The following ZNF599 variants were observed in gnomAD, a reference collection of about 807,000 sequenced individuals.
The protein encoded by ZNF599 is zinc finger protein 599.
Under a neutral mutation model 11.7 loss-of-function variants are expected in ZNF599, and 10 were observed. The observed-to-expected ratio is 0.86, with a 90% CI of 0.53 to 1.45. The LOEUF is 1.45. ZNF599 is among the 40% of genes most tolerant of loss of function. The pLI is 0.00. For synonymous variants in ZNF599, 232 were observed against 253.2 expected (o/e 0.92, Z 0.79); for missense variants, 688 against 713.6 (o/e 0.96, Z 0.41).
At chr19:34,765,453 G>T (rs950837745) in intron 3 of ZNF599, 5 of 654,934 alleles carry the variant, frequency 7.6e-6, no homozygotes, top group Admixed American at 2.1e-5. Flanking sequence ...AGCTGTGCCT[G>T]GACTCCCAAT....
At chr19:34,772,665 G>C in intron 1 of ZNF599, 159 bp downstream of exon 1, 1 of 1,442,694 alleles carries the variant, frequency 6.9e-7, no homozygotes, top group Non-Finnish European at 9.1e-7. Flanking sequence ...GGTAGGAAGT[G>C]ATTAGCCCTG....
Position 34,760,490 on chromosome 19 carries a change from A to G in ZNF599, c.311T>C (p.Phe104Ser). ...GGATCTCTGTGCCAGAAGTTCCTGGAAAGAGGATTCCTCAGAGAAGGCCAG... is the reference window on the plus strand; with the variant it reads ...GGATCTCTGTGCCAGAAGTTCCTGGGAAGAGGATTCCTCAGAGAAGGCCAG... ...SQLAFSEESSFQELLAQRSSR... is the reference protein window; with the variant it reads ...SQLAFSEESSSQELLAQRSSR... The change falls in exon 4 of 4, where the codon TTC (phenylalanine) becomes TCC (serine). Residue 104 changes from phenylalanine to serine, a missense_variant. Transcript: ENST00000329285. The G allele has an allele frequency of 6.2e-7, 1 of 1,614,138 alleles. No individual in the cohort carries two copies. Among genetic ancestry groups the G allele is most frequent in the Non-Finnish European group, 8.5e-7 (1 of 1,180,016 alleles).
At chr19:34,778,852 C>T in the ZNF599 span, among the ~76,000 whole-genome samples, 1 of 152,290 alleles carries the variant, frequency 6.6e-6, no homozygotes, top group South Asian at 2.1e-4. Context: ...ACCCAACCAA[C>T]ATTCATTTTA....
At chr19:34,807,229 T>G in the ZNF599 span, among the ~76,000 whole-genome samples, 1 of 152,174 alleles carries the variant, frequency 6.6e-6, no homozygotes, top group Non-Finnish European at 1.5e-5. Flanking sequence ...GGGCCTAGAC[T>G]GAAGTGACCT....
chr19:34,781,011 C>A, the ZNF599 span, among the ~76,000 whole-genome samples: 1 of 152,028 alleles, frequency 6.6e-6, no homozygotes, highest in South Asian at 2.1e-4. Context: ...AAAAAATTAG[C>A]CGGGCGCGGT....
chr19:34,782,555 G>A, the ZNF599 span, among the ~76,000 whole-genome samples: 1 of 152,206 alleles, frequency 6.6e-6, no homozygotes, highest in African/African-American at 2.4e-5. Context: ...GGTGGCAGTT[G>A]CTGGGGCTCC....
At chr19:34,768,608 T>C (rs543941241) in intron 2 of ZNF599, among the ~76,000 whole-genome samples, 1 of 152,338 alleles carries the variant, frequency 6.6e-6, no homozygotes, top group Admixed American at 6.5e-5. Flanking sequence ...TCCAGCTCTA[T>C]TCTAAGCACT....
At chr19:34,802,605 A>T in the ZNF599 span, among the ~76,000 whole-genome samples, 4 of 152,186 alleles carry the variant, frequency 2.6e-5, no homozygotes, top group Non-Finnish European at 5.9e-5. Context: ...TAGCCCTGGG[A>T]CAAAAGTCTG....
Position 34,759,571 on chromosome 19 carries a change from G to C in ZNF599, c.1230C>G (p.Phe410Leu), listed in dbSNP as rs2069095614. Residue 410 changes from phenylalanine to leucine, a missense_variant, in exon 4 of 4, where the codon TTC (phenylalanine) becomes TTG (leucine). Transcript: ENST00000329285. ...CGKAFTHRST[F>L]IRHKRTHTGE... ...CGGTATGGGTCCTCTTATGTCGGAT[G>C]AAAGTGGAGCGATGAGTAAAGGCCT... 4 of 1,612,210 alleles carry C rather than the reference G, an allele frequency of 2.5e-6. No individual in the cohort carries two copies. Among genetic ancestry groups the C allele is most frequent in the East Asian group, 2.2e-5 (1 of 44,660 alleles).
At chr19:34,804,226 G>A in the ZNF599 span, among the ~76,000 whole-genome samples, 33 of 152,350 alleles carry the variant, frequency 2.2e-4, no homozygotes, top group African/African-American at 6.7e-4. Flanking sequence ...TGGCGAGTCC[G>A]TAGAGCTGTG....
the ZNF599 span, among the ~76,000 whole-genome samples, chr19:34,784,303 T>C: frequency 6.6e-6 from 1 of 152,314 alleles, no homozygotes; most frequent in Non-Finnish European, 1.5e-5. Context: ...GGTCCACATT[T>C]CCCCTTTTTA....
chr19:34,801,791 G>A, the ZNF599 span, among the ~76,000 whole-genome samples: 4 of 152,324 alleles, frequency 2.6e-5, no homozygotes, highest in Non-Finnish European at 5.9e-5. Context: ...CAAAGGTAAA[G>A]GACTTATTTG....
chr19:34,806,801 C>T, the ZNF599 span, among the ~76,000 whole-genome samples: 1 of 152,168 alleles, frequency 6.6e-6, no homozygotes, highest in Non-Finnish European at 1.5e-5. Flanking sequence ...CAGCCAATCA[C>T]TGTCCAGCCC....
the ZNF599 span, among the ~76,000 whole-genome samples, chr19:34,782,888 T>C: frequency 6.6e-6 from 1 of 152,208 alleles, no homozygotes; most frequent in East Asian, 1.9e-4. Context: ...ATGGAGGCTA[T>C]TGACTCCATG....
intron 3 of ZNF599, chr19:34,765,000 T>C (rs1324159054): frequency 6.7e-5 from 10 of 149,878 alleles, no homozygotes; most frequent in African/African-American, 2.0e-4. Context: ...TCAGGTGAAA[T>C]AGAGTCAACA....
chr19:34,774,142 T>C (rs2069204863), upstream of ZNF599, among the ~76,000 whole-genome samples: 1 of 152,196 alleles, frequency 6.6e-6, no homozygotes, highest in South Asian at 2.1e-4. Flanking sequence ...GGATACTTTC[T>C]TACATGATTC....
upstream of ZNF599, among the ~76,000 whole-genome samples, chr19:34,777,500 T>TAAATATA (rs1491298821): frequency 6.0e-4 from 67 of 110,800 alleles, no homozygotes; most frequent in African/African-American, 2.3e-3. Context: ...ATGATATATA[T>TAAATATA]TAATATATTA....
At chr19:34,802,851 A>G in the ZNF599 span, among the ~76,000 whole-genome samples, 2 of 152,206 alleles carry the variant, frequency 1.3e-5, no homozygotes, top group Non-Finnish European at 2.9e-5. Flanking sequence ...CCAGCTGAGA[A>G]TAGTACCTGG....
the ZNF599 span, among the ~76,000 whole-genome samples, chr19:34,801,544 T>G: frequency 1.3e-5 from 2 of 152,236 alleles, no homozygotes; most frequent in Non-Finnish European, 2.9e-5. Context: ...AGGGTTTGTA[T>G]TTGATAGCTT....
Sources: allele counts gnomAD v4.1 joint callset (sites outside exome capture counted in the v4.1 genomes callset), GRCh38; gene constraint gnomAD v4.1.1; transcripts MANE v1.5; gene names NCBI Gene and HGNC (gene_info 2026-07-23, HGNC 2026-07-21).